Variants in CSNK1G1 observed in about 807,000 individuals in gnomAD.
The protein encoded by CSNK1G1 is casein kinase I isoform gamma-1.
Under a neutral mutation model 59.6 loss-of-function variants are expected in CSNK1G1, and 22 were observed. The ratio of observed to expected loss-of-function variants is 0.37; its 90% CI spans 0.26 to 0.53. The LOEUF (loss-of-function observed/expected upper bound fraction) is 0.53. Among genes scored for constraint, CSNK1G1 ranks in the 20% least tolerant of loss-of-function variants. The pLI is 0.89. For missense variants in CSNK1G1, 384 were observed against 519.5 expected (o/e 0.74, Z 2.54); for synonymous variants, 179 against 177.1 (o/e 1.01, Z -0.08).
At chr15:64,355,636 C>T (rs961697919) in intron 1 of CSNK1G1, among the ~76,000 whole-genome samples, 1 of 152,108 alleles carries the variant, frequency 6.6e-6, no homozygotes, top group African/African-American at 2.4e-5. Context: ...CCCCAGTCAC[C>T]CTGACGAGAT....
rs563805527 is a variant in CSNK1G1 at position 64,286,313 on chromosome 15, C to A, written c.181+14006G>T. Among the ~76,000 whole-genome samples, 4 of 136,356 alleles carry A rather than the reference C, an allele frequency of 2.9e-5. No homozygotes were observed. In the East Asian group the frequency reaches 7.9e-4, roughly 27 times the overall value. 89.5% of individuals were successfully genotyped at this position (136,356 alleles called of 152,430 possible). A position where few individuals can be genotyped will look rare whatever the true frequency, so the allele number is the denominator to read the frequency against. On this transcript the variant is annotated intron_variant, in intron 2 of 11. Transcript: ENST00000303052. ...ATTACAACCCTCAAAAAGGACCCCA[C>A]TCTGCTGATATTGTTAACATGTTAT...
chr15:64,217,331 G>A (rs1329895788), intron 4 of CSNK1G1, among the ~76,000 whole-genome samples: 3 of 152,202 alleles, frequency 2.0e-5, no homozygotes, highest in Non-Finnish European at 4.4e-5. Flanking sequence ...GATAAGTGCT[G>A]ATGAAAGGAA....
intron 1 of CSNK1G1, among the ~76,000 whole-genome samples, chr15:64,341,625 A>G (rs1053356298): frequency 6.6e-6 from 1 of 152,066 alleles, no homozygotes. Flanking sequence ...AGCTCGTGCC[A>G]TGACACCCAG....
chr15:64,335,168 T>C (rs1484422198), intron 1 of CSNK1G1, among the ~76,000 whole-genome samples: 6 of 152,198 alleles, frequency 3.9e-5, no homozygotes, highest in Admixed American at 3.9e-4. Flanking sequence ...AGGAAAAACA[T>C]ATTTCAATAC....
chr15:64,328,450 ATACTT>A (rs1156956093), intron 1 of CSNK1G1, among the ~76,000 whole-genome samples: 1 of 102,216 alleles, frequency 9.8e-6, no homozygotes, highest in Non-Finnish European at 1.9e-5. Context: ...GAGAAATAAA[ATACTT>A]TACAGACAAG....
intron 4 of CSNK1G1, among the ~76,000 whole-genome samples, chr15:64,238,518 A>AAAATATATAT (rs1555396879): frequency 2.0e-5 from 1 of 49,244 alleles, no homozygotes; most frequent in African/African-American, 1.2e-4. Flanking sequence ...AAAAAAAAAA[A>AAAATATATAT]ATATATATAT....
intron 2 of CSNK1G1, among the ~76,000 whole-genome samples, chr15:64,263,822 C>CA (rs869123397): frequency 0.23 from 11,925 of 51,136 alleles, 568 homozygotes; most frequent in South Asian, 0.4. Flanking sequence ...TTTTGTTTAC[C>CA]AAAAAAAAAA....
intron 4 of CSNK1G1, among the ~76,000 whole-genome samples, chr15:64,242,290 A>AATC (rs768105137): frequency 1.4e-4 from 22 of 152,338 alleles, no homozygotes; most frequent in East Asian, 1.3e-3. Flanking sequence ...GTGGAATTGT[A>AATC]ATCTCCAATG....
chr15:64,268,579 C>A (rs1566926808), intron 2 of CSNK1G1, among the ~76,000 whole-genome samples: 1 of 152,154 alleles, frequency 6.6e-6, no homozygotes, highest in Non-Finnish European at 1.5e-5. Context: ...TTCCCACATC[C>A]CAAAGATGTG....
intron 2 of CSNK1G1, among the ~76,000 whole-genome samples, chr15:64,294,786 C>G (rs1476569109): frequency 2.0e-5 from 3 of 151,190 alleles, no homozygotes; most frequent in Admixed American, 6.6e-5. Flanking sequence ...GTGGCAGGTG[C>G]CTGTAATCCC....
intron 2 of CSNK1G1, among the ~76,000 whole-genome samples, chr15:64,263,404 G>C (rs895396256): frequency 6.6e-6 from 1 of 151,806 alleles, no homozygotes. Context: ...GGCCAGGATG[G>C]GCTCGATCTC....
At chr15:64,297,111 T>A in intron 2 of CSNK1G1, among the ~76,000 whole-genome samples, 1 of 151,476 alleles carries the variant, frequency 6.6e-6, no homozygotes, top group African/African-American at 2.4e-5. Context: ...ACAGAAAGAA[T>A]CCCTGCCCTT....
At chr15:64,349,292 T>C (rs72758912) in intron 1 of CSNK1G1, among the ~76,000 whole-genome samples, 6,720 of 152,200 alleles carry the variant, frequency 0.044, 191 homozygotes, top group South Asian at 0.085. Context: ...CAAATTTATG[T>C]AGCATTTTGA....
intron 1 of CSNK1G1, among the ~76,000 whole-genome samples, chr15:64,314,092 CAA>C: frequency 6.6e-6 from 1 of 152,166 alleles, no homozygotes; most frequent in East Asian, 1.9e-4. Context: ...ACGGTGAAAT[CAA>C]AGAGGAAAGT....
At chr15:64,268,739 C>T (rs184498744) in intron 2 of CSNK1G1, among the ~76,000 whole-genome samples, 22 of 152,022 alleles carry the variant, frequency 1.4e-4, no homozygotes, top group African/African-American at 3.1e-4. Flanking sequence ...GTCAGCATCC[C>T]GCCACGGAAT....
At chr15:64,341,471 T>TGTTG (rs952265303) in intron 1 of CSNK1G1, among the ~76,000 whole-genome samples, 8 of 152,144 alleles carry the variant, frequency 5.3e-5, no homozygotes, top group Non-Finnish European at 5.9e-5. Flanking sequence ...TTATTTCTTC[T>TGTTG]GTTGGTTGGT....
At chr15:64,300,861 C>T (rs1895292335) in intron 1 of CSNK1G1, 138 bp from the exon 2 acceptor site, 1 of 445,418 alleles carries the variant, frequency 2.2e-6, no homozygotes, top group Non-Finnish European at 3.7e-6. Flanking sequence ...GTTTTCTATC[C>T]TCCAATAGTT....
intron 2 of CSNK1G1, among the ~76,000 whole-genome samples, chr15:64,272,382 AT>A (rs1223301898): frequency 1.3e-5 from 2 of 151,840 alleles, no homozygotes; most frequent in South Asian, 2.1e-4. Flanking sequence ...TGCCTGGCTA[AT>A]TTTTTTGTAT....
At chr15:64,203,786 C>T (rs945322562) in intron 9 of CSNK1G1, among the ~76,000 whole-genome samples, 1 of 151,364 alleles carries the variant, frequency 6.6e-6, no homozygotes, top group Non-Finnish European at 1.5e-5. Context: ...CAAAAGCTTC[C>T]TATGATGCTG....
Sources: gnomAD v4.1 joint callset for allele counts (sites outside exome capture counted in the v4.1 genomes callset) on GRCh38, gnomAD v4.1.1 for gene constraint, MANE v1.5 for transcripts, NCBI Gene and HGNC (gene_info 2026-07-23, HGNC 2026-07-21) for gene names.